Variants in CADPS observed in about 807,000 individuals in gnomAD.
CADPS encodes the protein calcium-dependent secretion activator 1.
Under a neutral mutation model 167.3 loss-of-function variants are expected in CADPS, and 57 were observed. The observed-to-expected ratio is 0.34, with a 90% CI of 0.28 to 0.42. The LOEUF (loss-of-function observed/expected upper bound fraction) is 0.42. CADPS is among the 20% of genes least tolerant of loss of function. CADPS has a pLI of 1.00. For missense variants in CADPS, 1,414 were observed against 1,738.1 expected, an observed-to-expected ratio of 0.81 and a Z score of 3.32; for synonymous variants, 676 against 635.3, an observed-to-expected ratio of 1.06 and a Z score of -0.96.
At chr3:62,471,296 G>A (rs2060579260) in intron 24 of CADPS, among the ~76,000 whole-genome samples, 1 of 152,098 alleles carries the variant, frequency 6.6e-6, no homozygotes, top group African/African-American at 2.4e-5. Context: ...AGAAAAGAAG[G>A]GTCCGCCATT....
At chr3:62,596,245 G>A (rs1251732547) in intron 6 of CADPS, among the ~76,000 whole-genome samples, 1 of 150,160 alleles carries the variant, frequency 6.7e-6, no homozygotes, top group Non-Finnish European at 1.5e-5. Flanking sequence ...GCCCAGGCTG[G>A]AGTGCAGTGG....
At position 62,555,276 on chromosome 3, in the gene CADPS, C is replaced by T. The variant is rs190840345; in HGVS notation, c.1753+2129G>A. Among the ~76,000 whole-genome samples the T allele has an allele frequency of 5.9e-4, 90 of 152,208 alleles. No homozygotes were observed. The East Asian group carries it at 9.5e-3, about 16-fold the overall frequency. ...ATTTATAAATTATATCCCATGGGATCGATGTAAAAAGAAATAAGCTTTAAA... is the reference window on the plus strand; with the variant it reads ...ATTTATAAATTATATCCCATGGGATTGATGTAAAAAGAAATAAGCTTTAAA... On this transcript the variant is annotated intron_variant, in intron 10 of 29. Transcript: ENST00000383710.
chr3:62,731,729 G>C (rs1439298360), intron 3 of CADPS, among the ~76,000 whole-genome samples: 1 of 142,988 alleles, frequency 7.0e-6, no homozygotes, highest in Non-Finnish European at 1.5e-5. Context: ...AGGCACTGGT[G>C]AATGAGGAGT....
In CADPS at chr3:62,585,336, A is replaced by G. The variant is rs2084352711; in HGVS notation, c.1438-12T>C. On this transcript the variant is annotated splice_polypyrimidine_tract_variant and intron_variant, in intron 7 of 29. Transcript: ENST00000383710. ...GGATGGAGAATAACCTGTAGGGGAA[A>G]AAGGACAAGCAACTAGAAAAGAGAA... is the stretch of plus-strand genomic sequence containing the variant. 6.3e-7 allele frequency: 1 copy of G among 1,595,380 alleles called. No homozygotes were observed. The highest frequency in any genetic ancestry group is 1.4e-5 in the African/African-American group (1 of 73,646).
intron 8 of CADPS, 94 bp from the exon 9 acceptor site, chr3:62,571,032 G>C (rs563805682): frequency 4.7e-6 from 4 of 856,322 alleles, no homozygotes; most frequent in Admixed American, 1.9e-5. Context: ...TTATAAACAA[G>C]GAAACGCACA....
intron 17 of CADPS, among the ~76,000 whole-genome samples, chr3:62,504,526 T>C (rs993591559): frequency 6.6e-6 from 1 of 152,216 alleles, no homozygotes; most frequent in Non-Finnish European, 1.5e-5. Context: ...GGTTGATCTG[T>C]CACCCATGAG....
chr3:62,629,203 T>G (rs2064770938), intron 6 of CADPS, among the ~76,000 whole-genome samples: 1 of 152,178 alleles, frequency 6.6e-6, no homozygotes, highest in South Asian at 2.1e-4. Context: ...TTTATAGCAT[T>G]GTGCCACTAT....
chr3:62,617,202 C>G (rs2062453818), intron 6 of CADPS, among the ~76,000 whole-genome samples: 1 of 151,956 alleles, frequency 6.6e-6, no homozygotes, highest in Admixed American at 6.6e-5. Context: ...AAGAAATGTC[C>G]CAAGTGAGAA....
At chr3:62,746,519 G>A (rs528529538) in intron 3 of CADPS, among the ~76,000 whole-genome samples, 1 of 152,076 alleles carries the variant, frequency 6.6e-6, no homozygotes, top group Non-Finnish European at 1.5e-5. Context: ...TAAATGTTTT[G>A]TAGAGATAGA....
At chr3:62,605,558 C>T (rs921454125) in intron 6 of CADPS, among the ~76,000 whole-genome samples, 3 of 152,180 alleles carry the variant, frequency 2.0e-5, no homozygotes, top group Admixed American at 6.5e-5. Flanking sequence ...AAGCAGTCAG[C>T]GTTATCTGGG....
At chr3:62,789,806 T>C (rs929807691) in intron 1 of CADPS, among the ~76,000 whole-genome samples, 2 of 152,184 alleles carry the variant, frequency 1.3e-5, no homozygotes, top group African/African-American at 4.8e-5. Context: ...AAGTAATAAT[T>C]ATAATTAACG....
At chr3:62,595,889 G>C (rs1001246352) in intron 6 of CADPS, among the ~76,000 whole-genome samples, 1 of 152,058 alleles carries the variant, frequency 6.6e-6, no homozygotes, top group Non-Finnish European at 1.5e-5. Flanking sequence ...GTGAAGAGGA[G>C]AGACTGGCTT....
At chr3:62,606,363 G>A (rs1276902540) in intron 6 of CADPS, among the ~76,000 whole-genome samples, 1 of 152,100 alleles carries the variant, frequency 6.6e-6, no homozygotes, top group Non-Finnish European at 1.5e-5. Flanking sequence ...TGGGTTAACA[G>A]ATTAATGGGT....
At chr3:62,592,903 A>C (rs540834041) in intron 6 of CADPS, among the ~76,000 whole-genome samples, 155 bp from the exon 7 acceptor site, 1 of 152,364 alleles carries the variant, frequency 6.6e-6, no homozygotes, top group South Asian at 2.1e-4. Flanking sequence ...CCAGAGTAAC[A>C]AACGTGTTAA....
chr3:62,590,461 A>G (rs1051022198), intron 7 of CADPS, among the ~76,000 whole-genome samples: 1 of 152,158 alleles, frequency 6.6e-6, no homozygotes, highest in African/African-American at 2.4e-5. Flanking sequence ...GAAAACAGCT[A>G]AACCTTTTAT....
intron 3 of CADPS, among the ~76,000 whole-genome samples, chr3:62,682,100 A>G (rs930848150): frequency 6.6e-6 from 1 of 152,126 alleles, no homozygotes; most frequent in Non-Finnish European, 1.5e-5. Flanking sequence ...TTGGCAGCAC[A>G]AGGGACAGAG....
intron 3 of CADPS, among the ~76,000 whole-genome samples, chr3:62,741,386 C>T (rs2080209737): frequency 6.6e-6 from 1 of 152,134 alleles, no homozygotes; most frequent in African/African-American, 2.4e-5. Flanking sequence ...AAAATACTGG[C>T]AAACTGAGTC....
chr3:62,676,700 AT>A (rs1580227227), intron 3 of CADPS, among the ~76,000 whole-genome samples: 1 of 152,056 alleles, frequency 6.6e-6, no homozygotes, highest in East Asian at 1.9e-4. Context: ...ACTCCTGTGA[AT>A]TTTTTATTGT....
At chr3:62,741,282 G>A (rs1016947397) in intron 3 of CADPS, among the ~76,000 whole-genome samples, 22 of 152,098 alleles carry the variant, frequency 1.4e-4, no homozygotes, top group African/African-American at 4.6e-4. Context: ...TATAAGGCCA[G>A]CATCATCTTG....
Sources: allele counts gnomAD v4.1 joint callset (sites outside exome capture counted in the v4.1 genomes callset), GRCh38; gene constraint gnomAD v4.1.1; transcripts MANE v1.5; gene names NCBI Gene and HGNC (gene_info 2026-07-23, HGNC 2026-07-21).